GUF1: variants seen among roughly 807,000 people sequenced by gnomAD.
The protein encoded by GUF1 is translation factor GUF1, mitochondrial.
GUF1 carries 78 observed loss-of-function variants against 82.4 expected under a neutral mutation model. The observed-to-expected ratio is 0.95, with a 90% confidence interval of 0.79 to 1.14. GUF1 has a LOEUF of 1.14. GUF1 is among the 50% of genes most tolerant of loss of function. The pLI is 0.00. For missense variants in GUF1, 814 were observed against 798.2 expected (o/e 1.02, Z -0.24); for synonymous variants, 279 against 282.3 (o/e 0.99, Z 0.12).
intron 13 of GUF1, among the ~76,000 whole-genome samples, chr4:44,693,484 A>G (rs1347789588): frequency 6.7e-6 from 1 of 149,354 alleles, no homozygotes; most frequent in Non-Finnish European, 1.5e-5. Context: ...CATACAGTAA[A>G]TGTATAAGTG....
intron 16 of GUF1, among the ~76,000 whole-genome samples, chr4:44,698,238 A>ATAT (rs1715970062): frequency 6.6e-6 from 1 of 152,192 alleles, no homozygotes; most frequent in Non-Finnish European, 1.5e-5. Flanking sequence ...AGAGTTACCT[A>ATAT]TATTAGACTG....
chr4:44,688,448 A>G (rs1347751294), intron 9 of GUF1, among the ~76,000 whole-genome samples: 13 of 151,926 alleles, frequency 8.6e-5, no homozygotes, highest in Middle Eastern at 3.4e-3. Flanking sequence ...TATTTGAAAC[A>G]TTTTTCTAAT....
chr4:44,698,586 C>T lies in GUF1; in HGVS notation c.1915C>T (p.Gln639Ter). 1 of 1,606,042 alleles carries T rather than the reference C, an allele frequency of 6.2e-7. No homozygotes were observed. Among genetic ancestry groups the T allele is most frequent in the East Asian group, 2.2e-5 (1 of 44,664 alleles). Residue 639 changes from glutamine (Q) to a stop codon, truncating the protein, a stop_gained, in exon 17 of 17, where the codon CAA becomes TAA. Transcript: ENST00000281543. LOFTEE classifies it high-confidence loss of function. Reference sequence around the variant, plus strand: ...CCGAAAAATGAAGCTTTTGAAGAGACAAGCAGAAGGGAAAAAAAAGCTGAG... The same window carrying T: ...CCGAAAAATGAAGCTTTTGAAGAGATAAGCAGAAGGGAAAAAAAAGCTGAG... The part of the protein sequence containing the change: ...ITRKMKLLKR[Q>*]AEGKKKLRKI...
rs1160198126 is a variant in GUF1, at chr4:44,680,829, T to G, written c.413T>G (p.Leu138Arg). The part of the protein sequence containing the change: ...NCEGKQYLLN[L>R]IDTPGHVDFS... ...GAAGGAAAGCAGTACCTTTTAAATC[T>G]CATTGATACACCGGTAAGTTTAATA... Residue 138 changes from leucine (L) to arginine (R), a missense_variant, in exon 3 of 17, where the codon CTC becomes CGC. Transcript: ENST00000281543. The G allele has an allele frequency of 1.9e-6, 3 of 1,608,354 alleles. No individual in the cohort carries two copies. The highest frequency in any genetic ancestry group is 2.5e-6 in the Non-Finnish European group (3 of 1,177,082).
intron 13 of GUF1, among the ~76,000 whole-genome samples, chr4:44,693,497 G>A (rs1312770015): frequency 3.5e-5 from 5 of 143,746 alleles, no homozygotes; most frequent in African/African-American, 1.3e-4. Flanking sequence ...TATAAGTGAT[G>A]CTTCCTGAAG....
Position 44,698,849 on chromosome 4 carries a change from C to T in GUF1, c.*168C>T, listed in dbSNP as rs1272182935. 1.7e-6 allele frequency: 1 copy of T among 591,024 alleles called. No homozygotes were observed. Among genetic ancestry groups the T allele is most frequent in the Non-Finnish European group, 2.9e-6 (1 of 342,050 alleles). 36.6% of individuals were successfully genotyped at this position (591,024 alleles called of 1,614,324 possible). On this transcript the variant is annotated 3_prime_UTR_variant, in exon 17 of 17. Coordinates refer to ENST00000281543, the MANE Select transcript of GUF1 (RefSeq NM_021927.3). ...TAGGCAAGAGCTTAGATTTTGAAGC[C>T]ATGTTGCCTGTTCTCAAATATCTGT...
chr4:44,678,883 T>A (rs908195699), intron 1 of GUF1, 96 bp downstream of exon 1: 1 of 1,271,100 alleles, frequency 7.9e-7, no homozygotes, highest in Non-Finnish European at 1.1e-6. Flanking sequence ...GGACTAGCTC[T>A]GAACCCTGCT....
rs1716091031 is a variant in GUF1 at position 44,699,615 on chromosome 4, G to A, written c.*934G>A. On this transcript the variant is annotated 3_prime_UTR_variant, in exon 17 of 17. Transcript: ENST00000281543. ...GATTCCATCTACTTTAAGTTTAAAGGATTTTCAGAATCACCTTAAGTGTCA... is the reference window on the plus strand; with the variant it reads ...GATTCCATCTACTTTAAGTTTAAAGAATTTTCAGAATCACCTTAAGTGTCA... The A allele has an allele frequency of 6.6e-6, 1 of 152,162 alleles. No individual in the cohort carries two copies. The highest frequency in any genetic ancestry group is 2.1e-4 in the South Asian group (1 of 4,828). 9.4% of individuals were successfully genotyped at this position (152,162 alleles called of 1,614,324 possible).
chr4:44,684,870 A>G (rs776935142), intron 6 of GUF1, among the ~76,000 whole-genome samples: 2 of 152,176 alleles, frequency 1.3e-5, no homozygotes, highest in African/African-American at 4.8e-5. Context: ...TTGTTGTCAG[A>G]TACAAGAAAC....
intron 16 of GUF1, 24 bp from the exon 17 acceptor site, chr4:44,698,519 TC>T (rs748721123): frequency 1.3e-6 from 2 of 1,561,344 alleles, no homozygotes; most frequent in South Asian, 2.4e-5. Context: ...GACTTAGACT[TC>T]CAATGTTTTA....
chr4:44,698,596 G>A lies in GUF1; in HGVS notation c.1925G>A (p.Gly642Glu). The part of the protein sequence containing the change: ...KMKLLKRQAE[G>E]KKKLRKIGNV... ...AAGCTTTTGAAGAGACAAGCAGAAG[G>A]GAAAAAAAAGCTGAGGAAAATTGGC... Residue 642 changes from glycine (G) to glutamate (E), a missense_variant, in exon 17 of 17, where the codon GGG becomes GAG. Gly to Glu is a moderately conservative substitution (Grantham distance 98). Coordinates refer to ENST00000281543, the MANE Select transcript of GUF1 (RefSeq NM_021927.3). 6.2e-7 allele frequency: 1 copy of A among 1,608,740 alleles called. No homozygotes were observed. Among genetic ancestry groups the A allele is most frequent in the Non-Finnish European group, 8.5e-7 (1 of 1,178,438 alleles).
At chr4:44,678,824 C>G (rs764880717) in intron 1 of GUF1, 37 bp downstream of exon 1, 3 of 1,533,670 alleles carry the variant, frequency 2.0e-6, no homozygotes, top group Non-Finnish European at 2.6e-6. Flanking sequence ...GCCAAGTTTT[C>G]AAACGTTGGA....
At chr4:44,681,739 A>T (rs1486379507) in intron 4 of GUF1, among the ~76,000 whole-genome samples, 2 of 151,776 alleles carry the variant, frequency 1.3e-5, no homozygotes, top group Non-Finnish European at 2.9e-5. Flanking sequence ...TTCATTCAAA[A>T]CCCAACTTTT....
chr4:44,686,596 C>T lies in GUF1; in HGVS notation c.821C>T (p.Ala274Val). The change falls in exon 8 of 17, where the codon GCA (alanine) becomes GTA (valine). Residue 274 changes from alanine (A) to valine (V), a missense_variant. Ala to Val is a moderately conservative substitution (Grantham distance 64, BLOSUM62 0). Transcript: ENST00000281543. ...DQYRGVIANV[A>V]LFDGVVSKGD... ...TATAGAGGTGTGATAGCCAATGTAG[C>T]ATTATTTGACGGAGTGGTTTCCAAA... 2 of 1,611,914 alleles carry T rather than the reference C, an allele frequency of 1.2e-6. No individual in the cohort carries two copies. Among genetic ancestry groups the T allele is most frequent in the South Asian group, 1.1e-5 (1 of 91,044 alleles).
intron 4 of GUF1, 108 bp downstream of exon 4, chr4:44,681,311 T>C (rs1253057391): frequency 3.2e-5 from 25 of 786,324 alleles, no homozygotes; most frequent in South Asian, 2.8e-4. Context: ...GTTTGAAAAA[T>C]AGATTTAATC....
chr4:44,695,783 A>G, intron 15 of GUF1, 49 bp downstream of exon 15: 1 of 1,565,302 alleles, frequency 6.4e-7, no homozygotes, highest in Non-Finnish European at 8.7e-7. Flanking sequence ...GAAATGATAT[A>G]CCTAAAAAGT....
At chr4:44,687,379 TC>T (rs59555447) in intron 8 of GUF1, among the ~76,000 whole-genome samples, 11,785 of 151,992 alleles carry the variant, frequency 0.078, 535 homozygotes, top group Admixed American at 0.13. Flanking sequence ...AGTCAGAAAG[TC>T]TATTTTTATT....
rs780452945 is a variant in GUF1, at chr4:44,690,911, T to C, written c.1479+51T>C. 13 of 1,352,792 alleles carry C rather than the reference T, an allele frequency of 9.6e-6. No individual in the cohort carries two copies. In the East Asian group the frequency reaches 1.9e-4, roughly 20 times the overall value. 83.8% of individuals were successfully genotyped at this position (1,352,792 alleles called of 1,614,324 possible). A position where few individuals can be genotyped will look rare whatever the true frequency, so the allele number is the denominator to read the frequency against. On this transcript the variant is annotated intron_variant, in intron 12 of 16. Transcript: ENST00000281543. The stretch of plus-strand genomic sequence containing the variant: ...AAAATTAGGTTTTAGTCCTCTGAAA[T>C]AGTGATTTCCAACTCAGGTTTTAAA...
In GUF1 at chr4:44,700,758, T is replaced by G. The variant is rs536243582; in HGVS notation, c.*2077T>G. 3.0e-4 allele frequency: 46 copies of G among 152,334 alleles called. No homozygotes were observed. In the Middle Eastern group the frequency reaches 0.014, roughly 45 times the overall value. The allele number at this position is 152,334 out of a possible 1,614,324, so 9.4% of individuals were successfully genotyped here. ...AATTATAAATTAAGTGGAGATTTACTTAAAATCATGTGTAGAAGTAGCCTG... is the reference window on the plus strand; with the variant it reads ...AATTATAAATTAAGTGGAGATTTACGTAAAATCATGTGTAGAAGTAGCCTG... On this transcript the variant is annotated 3_prime_UTR_variant, in exon 17 of 17. Transcript: ENST00000281543.
Sources: gnomAD v4.1 joint callset for allele counts (sites outside exome capture counted in the v4.1 genomes callset) on GRCh38, gnomAD v4.1.1 for gene constraint, MANE v1.5 for transcripts, NCBI Gene and HGNC (gene_info 2026-07-23, HGNC 2026-07-21) for gene names.